ME1: variants seen among roughly 807,000 people sequenced by gnomAD.
The protein encoded by ME1 is NADP-dependent malic enzyme.
ME1 carries 74 observed loss-of-function variants against 66.4 expected under a neutral mutation model. The observed-to-expected ratio is 1.11, with a 90% CI of 0.92 to 1.35. ME1 has a LOEUF of 1.35. Among genes scored for constraint, ME1 ranks in the 40% most tolerant of loss-of-function variants. ME1 has a pLI of 0.00. For missense variants in ME1, 750 were observed against 694.1 expected, an observed-to-expected ratio of 1.08 and a Z score of -0.90; for synonymous variants, 251 against 235.6, an observed-to-expected ratio of 1.07 and a Z score of -0.60.
intron 1 of ME1, 132 bp downstream of exon 1, chr6:83,430,745 G>A (rs547684647): frequency 4.2e-5 from 30 of 721,266 alleles, no homozygotes; most frequent in Non-Finnish European, 6.1e-5. Flanking sequence ...GGCCCCCCAG[G>A]CCGCGGCCGC....
At position 83,322,174 on chromosome 6, in the gene ME1, A is replaced by G. The variant is rs1768192264; in HGVS notation, c.601-6761T>C. On this transcript the variant is annotated intron_variant, in intron 5 of 13. Transcript: ENST00000369705. ...GTCACCAACAGGGAAGACCAAAGGT[A>G]GATAAATCCATGAAGATCAGCAAAA... 2.0e-5 allele frequency among the ~76,000 whole-genome samples: 3 copies of G among 152,238 alleles called. No homozygotes were observed. The South Asian group carries it at 6.2e-4, about 31-fold the overall frequency.
intron 2 of ME1, among the ~76,000 whole-genome samples, chr6:83,406,023 G>A (rs1020387250): frequency 6.6e-6 from 1 of 152,148 alleles, no homozygotes; most frequent in African/African-American, 2.4e-5. Context: ...ACCCGGCCAA[G>A]AGTTTTTAAC....
chr6:83,324,407 T>TG (rs1297797661), intron 5 of ME1, among the ~76,000 whole-genome samples: 1 of 151,722 alleles, frequency 6.6e-6, no homozygotes, highest in African/African-American at 2.4e-5. Context: ...GAGCTGGTTT[T>TG]TTGAAAAGAT....
rs759250240 is a variant in ME1 at position 83,216,523 on chromosome 6, T to C, written c.1523A>G (p.Asp508Gly). The C allele has an allele frequency of 4.3e-6, 7 of 1,610,826 alleles. No homozygotes were observed. Among genetic ancestry groups the C allele is most frequent in the Non-Finnish European group, 5.9e-6 (7 of 1,178,886 alleles). Reference sequence around the variant, plus strand: ...CTTTTCTGCAATTTTCAGAGAAACATCTCTAATGGTATTCAAAGGAGGATA... The same window carrying C: ...CTTTTCTGCAATTTTCAGAGAAACACCTCTAATGGTATTCAAAGGAGGATA... ...RLYPPLNTIR[D>G]VSLKIAEKIV... Residue 508 changes from aspartate to glycine, a missense_variant, in exon 13 of 14, where the codon GAT (aspartate) becomes GGT (glycine). Transcript: ENST00000369705.
intron 6 of ME1, among the ~76,000 whole-genome samples, chr6:83,263,116 G>A (rs1332861691): frequency 6.6e-6 from 1 of 152,108 alleles, no homozygotes; most frequent in African/African-American, 2.4e-5. Context: ...TATGTGTTAT[G>A]ATGACCTGTG....
chr6:83,319,744 A>C (rs1209990633), intron 5 of ME1, among the ~76,000 whole-genome samples: 3 of 152,220 alleles, frequency 2.0e-5, no homozygotes, highest in Non-Finnish European at 4.4e-5. Context: ...AATGGGCCCT[A>C]TTCAAAGAAT....
chr6:83,312,518 T>C (rs1377073144), intron 6 of ME1, among the ~76,000 whole-genome samples: 1 of 151,936 alleles, frequency 6.6e-6, no homozygotes, highest in Non-Finnish European at 1.5e-5. Context: ...CCTGCCAAGA[T>C]GGCAAATAAA....
At chr6:83,247,108 T>C (rs764967088) in intron 7 of ME1, among the ~76,000 whole-genome samples, 41 of 152,150 alleles carry the variant, frequency 2.7e-4, no homozygotes, top group Admixed American at 4.6e-4. Context: ...ATTAAATGTA[T>C]TTTTTAAAAA....
intron 1 of ME1, among the ~76,000 whole-genome samples, chr6:83,409,163 TC>T (rs1389221552): frequency 6.6e-6 from 1 of 152,176 alleles, no homozygotes; most frequent in African/African-American, 2.4e-5. Flanking sequence ...ATGTTGGACT[TC>T]CCAGCCTCCA....
chr6:83,322,837 C>T (rs1768204398), intron 5 of ME1, among the ~76,000 whole-genome samples: 1 of 152,028 alleles, frequency 6.6e-6, no homozygotes, highest in Non-Finnish European at 1.5e-5. Context: ...CAAAAGCAAC[C>T]CCAAGATGCA....
At chr6:83,300,025 G>A (rs181857028) in intron 6 of ME1, among the ~76,000 whole-genome samples, 9 of 152,086 alleles carry the variant, frequency 5.9e-5, no homozygotes, top group Admixed American at 1.3e-4. Context: ...AAGGATTTTC[G>A]CATCAATGTT....
intron 6 of ME1, among the ~76,000 whole-genome samples, chr6:83,309,227 G>A (rs780005972): frequency 4.0e-5 from 6 of 151,408 alleles, no homozygotes; most frequent in Non-Finnish European, 5.9e-5. Context: ...AGACTAAAGG[G>A]CAATAAAGGA....
intron 6 of ME1, among the ~76,000 whole-genome samples, chr6:83,296,726 T>C (rs1468488513): frequency 6.6e-6 from 1 of 152,218 alleles, no homozygotes; most frequent in Non-Finnish European, 1.5e-5. Flanking sequence ...GAAGTCAGAC[T>C]GTCCCTGTTT....
intron 1 of ME1, among the ~76,000 whole-genome samples, chr6:83,426,827 T>C (rs1770381765): frequency 2.6e-5 from 4 of 152,212 alleles, no homozygotes; most frequent in Admixed American, 2.6e-4. Context: ...GGAGATTTAC[T>C]TATGGGTCAT....
At chr6:83,232,885 G>A (rs1180239) in intron 9 of ME1, among the ~76,000 whole-genome samples, 67,817 of 151,744 alleles carry the variant, frequency 0.45, 15,707 homozygotes, top group African/African-American at 0.56. Context: ...TTAACTATAA[G>A]TCAGAAAAAT....
Position 83,324,611 on chromosome 6 carries a change from C to T in ME1, c.601-9198G>A, listed in dbSNP as rs185280179. On this transcript the variant is annotated intron_variant, in intron 5 of 13. Transcript: ENST00000369705. ...AATATCTAGAAGAAATGGATAAATT[C>T]CTGCACACATACAGCCTCCCAAGAC... 7.0e-3 allele frequency among the ~76,000 whole-genome samples: 1,064 copies of T among 150,966 alleles called. 9 individuals are homozygous for T. Among genetic ancestry groups the T allele is most frequent in the African/African-American group, 0.024 (995 of 41,096 alleles).
intron 3 of ME1, among the ~76,000 whole-genome samples, chr6:83,389,586 G>A (rs1460883837): frequency 6.6e-6 from 1 of 152,092 alleles, no homozygotes; most frequent in African/African-American, 2.4e-5. Context: ...ACTCAAAAGA[G>A]AGGGAGATAA....
intron 6 of ME1, among the ~76,000 whole-genome samples, chr6:83,265,442 G>A (rs1766972104): frequency 6.6e-6 from 1 of 151,992 alleles, no homozygotes; most frequent in Admixed American, 6.6e-5. Flanking sequence ...GACCACAGGA[G>A]TGTGCCACCA....
chr6:83,377,935 A>G (rs917550506), intron 3 of ME1, among the ~76,000 whole-genome samples: 2 of 152,208 alleles, frequency 1.3e-5, no homozygotes, highest in African/African-American at 4.8e-5. Context: ...CAGTAAAATC[A>G]TGAAATTATT....
Sources: allele counts gnomAD v4.1 joint callset (sites outside exome capture counted in the v4.1 genomes callset), GRCh38; gene constraint gnomAD v4.1.1; transcripts MANE v1.5; gene names NCBI Gene and HGNC (gene_info 2026-07-23, HGNC 2026-07-21).